Variants in STAC observed in about 807,000 individuals in gnomAD.
STAC encodes the protein SH3 and cysteine rich domain.
STAC carries 43 observed loss-of-function variants against 48.8 expected under a neutral mutation model. That is an observed-to-expected ratio of 0.88 (90% confidence interval 0.69 to 1.14). The LOEUF (loss-of-function observed/expected upper bound fraction) is 1.14, where lower values mean the gene tolerates loss of function less well. STAC is among the 50% of genes most tolerant of loss of function. The pLI is 0.00. For synonymous variants in STAC, 193 were observed against 179.5 expected, an observed-to-expected ratio of 1.07 and a Z score of -0.60; for missense variants, 497 against 504.0, an observed-to-expected ratio of 0.99 and a Z score of 0.13.
At chr3:36,391,698 C>G (rs1030731949) in intron 1 of STAC, among the ~76,000 whole-genome samples, 1 of 152,170 alleles carries the variant, frequency 6.6e-6, no homozygotes, top group African/African-American at 2.4e-5. Context: ...CTGAGCGGGG[C>G]GGGCTAAGCA....
At chr3:36,483,348 T>C (rs982012857) in intron 3 of STAC, among the ~76,000 whole-genome samples, 2 of 152,238 alleles carry the variant, frequency 1.3e-5, no homozygotes, top group Non-Finnish European at 2.9e-5. Flanking sequence ...GTTGGCACTT[T>C]CTCAGTTTTA....
intron 8 of STAC, among the ~76,000 whole-genome samples, chr3:36,523,748 C>A (rs1439973040): frequency 1.3e-5 from 2 of 152,166 alleles, no homozygotes; most frequent in Non-Finnish European, 2.9e-5. Context: ...CAAGTCTAAC[C>A]TGGGGAAAGG....
At chr3:36,488,325 C>T (rs1289946817) in intron 5 of STAC, among the ~76,000 whole-genome samples, 3 of 152,170 alleles carry the variant, frequency 2.0e-5, no homozygotes, top group East Asian at 3.9e-4. Flanking sequence ...ATTAACAAGG[C>T]AAATATGTTA....
rs191794998 is a variant in STAC, at chr3:36,424,885, T to C, written c.112-18479T>C. On this transcript the variant is annotated intron_variant, in intron 1 of 10. Transcript: ENST00000273183. Reference sequence around the variant, plus strand: ...TGATAGAAATGAATAACTTAATGAATAAATAAATAAATAAATGAAGGGTAA... The same window carrying C: ...TGATAGAAATGAATAACTTAATGAACAAATAAATAAATAAATGAAGGGTAA... 4.1e-4 allele frequency among the ~76,000 whole-genome samples: 62 copies of C among 152,082 alleles called. No individual in the cohort carries two copies. The East Asian group carries it at 6.8e-3, about 17-fold the overall frequency.
intron 2 of STAC, among the ~76,000 whole-genome samples, chr3:36,456,533 A>G (rs183146769): frequency 2.4e-4 from 37 of 152,204 alleles, no homozygotes; most frequent in Non-Finnish European, 3.8e-4. Context: ...CCTGCTGTAT[A>G]GGGACCATGC....
At chr3:36,428,792 C>T (rs1700624952) in intron 1 of STAC, among the ~76,000 whole-genome samples, 2 of 152,128 alleles carry the variant, frequency 1.3e-5, no homozygotes, top group African/African-American at 4.8e-5. Context: ...TAAGAATGAT[C>T]AGAGGTCAGA....
intron 1 of STAC, among the ~76,000 whole-genome samples, chr3:36,410,078 A>G (rs1700162557): frequency 6.6e-6 from 1 of 152,224 alleles, no homozygotes; most frequent in South Asian, 2.1e-4. Context: ...CATCAGTAGT[A>G]ACAGCCAGCT....
intron 2 of STAC, among the ~76,000 whole-genome samples, chr3:36,464,613 C>T (rs927292072): frequency 3.9e-5 from 6 of 152,068 alleles, no homozygotes; most frequent in African/African-American, 1.2e-4. Context: ...CCCAAGTCCC[C>T]GAAGTCCAAT....
chr3:36,482,616 C>G (rs1411455694), intron 2 of STAC, among the ~76,000 whole-genome samples: 2 of 152,036 alleles, frequency 1.3e-5, no homozygotes, highest in East Asian at 3.9e-4. Context: ...GATAGAAATA[C>G]AGAAGAAAAT....
intron 2 of STAC, among the ~76,000 whole-genome samples, chr3:36,452,013 T>C (rs1261291577): frequency 6.6e-6 from 1 of 152,184 alleles, no homozygotes; most frequent in African/African-American, 2.4e-5. Flanking sequence ...CTCTTTAGCA[T>C]TGTTTCCCTG....
rs1048985749 is a variant in STAC at position 36,443,740 on chromosome 3, C to A, written c.388+100C>A. 1 of 1,439,068 alleles carries A rather than the reference C, an allele frequency of 6.9e-7. No individual in the cohort carries two copies. The highest frequency in any genetic ancestry group is 2.3e-5 in the East Asian group (1 of 43,788). 89.1% of individuals were successfully genotyped at this position (1,439,068 alleles called of 1,614,324 possible). ...AGGTACCTACGGACAGATGCTAGGC[C>A]TCAGAGATTTACATGTGGGAAGATC... On this transcript the variant is annotated intron_variant, in intron 2 of 10. Transcript: ENST00000273183. The surrounding 1 kb of genome is among the most constrained non-coding windows in gnomAD (Gnocchi z 4.2).
intron 8 of STAC, among the ~76,000 whole-genome samples, chr3:36,512,456 A>G (rs13091057): frequency 0.089 from 13,584 of 152,208 alleles, 973 homozygotes; most frequent in East Asian, 0.32. Context: ...TGGGTGTGTA[A>G]CATTTAAGAT....
At chr3:36,415,956 T>C (rs1663186641) in intron 1 of STAC, among the ~76,000 whole-genome samples, 3 of 152,202 alleles carry the variant, frequency 2.0e-5, no homozygotes, top group African/African-American at 7.2e-5. Flanking sequence ...TTATTAAAAA[T>C]AAGTATCATG....
At chr3:36,510,854 G>A (rs938761014) in intron 8 of STAC, among the ~76,000 whole-genome samples, 7 of 152,050 alleles carry the variant, frequency 4.6e-5, no homozygotes. Context: ...AATACCTAAT[G>A]TAGATGACGG....
intron 10 of STAC, among the ~76,000 whole-genome samples, chr3:36,537,807 TTA>T (rs1699233249): frequency 6.6e-6 from 1 of 152,076 alleles, no homozygotes; most frequent in Non-Finnish European, 1.5e-5. Flanking sequence ...AATTGAATAT[TTA>T]TGTGGAATTC....
intron 2 of STAC, among the ~76,000 whole-genome samples, chr3:36,453,580 T>G (rs1261045849): frequency 6.6e-6 from 1 of 152,158 alleles, no homozygotes. Context: ...TGCCTGAGCC[T>G]CCCACCCCCT....
rs186412374 is a variant in STAC at position 36,521,282 on chromosome 3, C to T, written c.921-7414C>T. Among the ~76,000 whole-genome samples, 15 of 152,178 alleles carry T rather than the reference C, an allele frequency of 9.9e-5. No individual in the cohort carries two copies. The East Asian group carries it at 2.1e-3, about 22-fold the overall frequency. On this transcript the variant is annotated intron_variant, in intron 8 of 10. Coordinates refer to ENST00000273183, the MANE Select transcript of STAC (RefSeq NM_003149.3). ...TGGGCAGTTCTGATGAGTTTTGACA[C>T]GGCATGGGTGGTGCAAGAGGCAGCT...
intron 2 of STAC, among the ~76,000 whole-genome samples, chr3:36,478,037 T>C (rs1389734385): frequency 6.6e-6 from 1 of 152,196 alleles, no homozygotes. Flanking sequence ...GCAACCACTT[T>C]TGTCCTCTTT....
intron 2 of STAC, among the ~76,000 whole-genome samples, chr3:36,468,521 T>C (rs1194650382): frequency 6.6e-6 from 1 of 151,440 alleles, no homozygotes; most frequent in African/African-American, 2.4e-5. Flanking sequence ...TATTATTGTG[T>C]TGCTGTCTAT....
Sources: gnomAD v4.1 joint callset for allele counts (sites outside exome capture counted in the v4.1 genomes callset) on GRCh38, gnomAD v4.1.1 for gene constraint, Gnocchi (gnomAD v3.1) non-coding constraint, MANE v1.5 for transcripts, NCBI Gene and HGNC (gene_info 2026-07-23, HGNC 2026-07-21) for gene names.